Variants in ADAM10 observed in about 807,000 individuals in gnomAD.
ADAM10 encodes the protein disintegrin and metalloproteinase domain-containing protein 10.
In ADAM10, 17 loss-of-function variants were observed where a neutral mutation model predicts 90.1. The observed-to-expected ratio is 0.19, with a 90% confidence interval of 0.13 to 0.28. ADAM10 has a LOEUF of 0.28. ADAM10 is among the 10% of genes least tolerant of loss of function. ADAM10 has a pLI of 1.00. For missense variants in ADAM10, 610 were observed against 914.3 expected (o/e 0.67, Z 4.29); for synonymous variants, 310 against 298.6 (o/e 1.04, Z -0.40).
chr15:58,601,746 C>T (rs1298009720), intron 14 of ADAM10, among the ~76,000 whole-genome samples: 1 of 152,118 alleles, frequency 6.6e-6, no homozygotes, highest in East Asian at 1.9e-4. Flanking sequence ...TCTTTTCTCT[C>T]CTTTGATTTG....
chr15:58,601,733 G>T (rs765644623), intron 14 of ADAM10, among the ~76,000 whole-genome samples: 1 of 152,114 alleles, frequency 6.6e-6, no homozygotes, highest in African/African-American at 2.4e-5. Flanking sequence ...TAGCCACCAT[G>T]TTTCTTTTCT....
intron 2 of ADAM10, among the ~76,000 whole-genome samples, chr15:58,694,276 C>T (rs1164071125): frequency 6.6e-6 from 1 of 152,122 alleles, no homozygotes; most frequent in Admixed American, 6.6e-5. Flanking sequence ...ATGTTTGAAA[C>T]CCCGTCTGTA....
chr15:58,644,666 A>G (rs1896504814), intron 6 of ADAM10, among the ~76,000 whole-genome samples: 1 of 152,234 alleles, frequency 6.6e-6, no homozygotes, highest in Non-Finnish European at 1.5e-5. Flanking sequence ...ACTCAGCTCA[A>G]ACATTTTTAT....
chr15:58,612,228 G>A (rs970488011), intron 11 of ADAM10, among the ~76,000 whole-genome samples: 4 of 152,092 alleles, frequency 2.6e-5, no homozygotes, highest in Admixed American at 6.5e-5. Context: ...AACAGTGCCT[G>A]GGCCTACACA....
intron 11 of ADAM10, among the ~76,000 whole-genome samples, chr15:58,615,883 C>T (rs2141003321): frequency 6.6e-6 from 1 of 152,138 alleles, no homozygotes; most frequent in South Asian, 2.1e-4. Flanking sequence ...TGGTACATGC[C>T]TGTAGTCCCA....
chr15:58,635,217 G>A (rs1161566607), intron 8 of ADAM10, among the ~76,000 whole-genome samples: 6 of 139,892 alleles, frequency 4.3e-5, no homozygotes, highest in South Asian at 2.4e-4. Context: ...GGAGCTTGCA[G>A]TGAGCAGAGA....
At chr15:58,611,613 A>G (rs1202052705) in intron 12 of ADAM10, 195 bp downstream of exon 12, 2 of 581,976 alleles carry the variant, frequency 3.4e-6, no homozygotes, top group African/African-American at 3.7e-5. Context: ...TATCAACCAC[A>G]TGTACATGGA....
At chr15:58,687,587 A>C (rs1378662210) in intron 2 of ADAM10, among the ~76,000 whole-genome samples, 2 of 152,136 alleles carry the variant, frequency 1.3e-5, no homozygotes, top group African/African-American at 4.8e-5. Flanking sequence ...ATCATAAAAA[A>C]AAAAAAGGCT....
chr15:58,662,854 A>G (rs1301488196), intron 5 of ADAM10, among the ~76,000 whole-genome samples: 1 of 152,066 alleles, frequency 6.6e-6, no homozygotes, highest in African/African-American at 2.4e-5. Context: ...AAGTCCAGAC[A>G]CCTCAGTCTT....
At chr15:58,666,704 T>C (rs1897090300) in intron 4 of ADAM10, among the ~76,000 whole-genome samples, 1 of 152,164 alleles carries the variant, frequency 6.6e-6, no homozygotes, top group Non-Finnish European at 1.5e-5. Context: ...CATTGTTACT[T>C]AAAACATTGG....
intron 10 of ADAM10, among the ~76,000 whole-genome samples, chr15:58,624,521 A>C (rs1596002666): frequency 6.6e-6 from 1 of 152,300 alleles, no homozygotes; most frequent in Admixed American, 6.5e-5. Flanking sequence ...AGTTTAAACA[A>C]CAATGAGGTA....
At chr15:58,623,478 T>A (rs886265413) in intron 10 of ADAM10, among the ~76,000 whole-genome samples, 1 of 152,204 alleles carries the variant, frequency 6.6e-6, no homozygotes, top group East Asian at 1.9e-4. Context: ...CGAAGCTTCA[T>A]CCCTGTTTCA....
chr15:58,647,287 G>C (rs1339612230), intron 5 of ADAM10, among the ~76,000 whole-genome samples: 7 of 26,838 alleles, frequency 2.6e-4, no homozygotes, highest in African/African-American at 6.6e-4. Context: ...TTGAGACAGA[G>C]TCTCACTCTG....
rs199811425 is a variant in ADAM10 at position 58,597,143 on chromosome 15, G to C, written c.*404C>G. 1 of 445,362 alleles carries C rather than the reference G, an allele frequency of 2.2e-6. No homozygotes were observed. The highest frequency in any genetic ancestry group is 4.1e-6 in the Non-Finnish European group (1 of 244,952). The allele number at this position is 445,362 out of a possible 1,614,324, so 27.6% of individuals were successfully genotyped here. A position where few individuals can be genotyped will look rare whatever the true frequency, so the allele number is the denominator to read the frequency against. The stretch of plus-strand genomic sequence containing the variant: ...AAGTGATGTCTCCAATGTTGAGGTG[G>C]TCGAGCCTCCTAGCCTTGATTGGCA... On this transcript the variant is annotated 3_prime_UTR_variant, in exon 16 of 16. Coordinates refer to ENST00000260408, the MANE Select transcript of ADAM10 (RefSeq NM_001110.4).
In ADAM10 at chr15:58,597,617, G is replaced by T. The variant is rs985681090; in HGVS notation, c.2177C>A (p.Pro726Gln). The T allele has an allele frequency of 1.2e-6, 2 of 1,614,038 alleles. No homozygotes were observed. Among genetic ancestry groups the T allele is most frequent in the Non-Finnish European group, 1.7e-6 (2 of 1,179,998 alleles). ...ACGCTGGGGTTGCTGAATGGGCTGT[G>T]GAGGTCTCCTCCTCTTTAAAGTGCC... The part of the protein sequence containing the change: ...LPGTLKRRRP[P>Q]QPIQQPQRQR... The change falls in exon 16 of 16, where the codon CCA becomes CAA. Residue 726 changes from proline (P) to glutamine (Q), a missense_variant. Around this residue, in one of 4 missense-constraint regions of ADAM10, gnomAD observed 150 missense variants for 268.5 expected, o/e 0.56. Coordinates refer to ENST00000260408, the MANE Select transcript of ADAM10 (RefSeq NM_001110.4).
intron 2 of ADAM10, among the ~76,000 whole-genome samples, chr15:58,717,157 A>T (rs1450678467): frequency 2.3e-5 from 3 of 130,502 alleles, no homozygotes; most frequent in Non-Finnish European, 5.2e-5. Context: ...AACAGCAGGT[A>T]ATCTGTCTAC....
intron 9 of ADAM10, among the ~76,000 whole-genome samples, chr15:58,630,292 C>T (rs1379916749): frequency 6.6e-6 from 1 of 152,098 alleles, no homozygotes; most frequent in Non-Finnish European, 1.5e-5. Flanking sequence ...CATATAACAA[C>T]ACGGATCAAG....
intron 2 of ADAM10, among the ~76,000 whole-genome samples, chr15:58,688,158 G>C (rs1340980574): frequency 2.0e-5 from 3 of 152,124 alleles, no homozygotes; most frequent in African/African-American, 7.2e-5. Context: ...GAGGGAGACT[G>C]GGGGAAAGAT....
chr15:58,622,084 C>G, intron 10 of ADAM10, among the ~76,000 whole-genome samples: 1 of 152,150 alleles, frequency 6.6e-6, no homozygotes, highest in Non-Finnish European at 1.5e-5. Context: ...TCTTTAACAA[C>G]TATCAACAAC....
Sources: allele counts gnomAD v4.1 joint callset (sites outside exome capture counted in the v4.1 genomes callset), GRCh38; gene constraint gnomAD v4.1.1; regional missense constraint gnomAD v4.1.1; transcripts MANE v1.5; gene names NCBI Gene and HGNC (gene_info 2026-07-23, HGNC 2026-07-21).